Variants in MGRN1 observed in about 807,000 individuals in gnomAD.
MGRN1 encodes mahogunin ring finger 1, also known as E3 ubiquitin-protein ligase MGRN1.
A neutral mutation model predicts 69.2 loss-of-function variants in MGRN1; 29 were observed. The ratio of observed to expected loss-of-function variants is 0.42; its 90% CI spans 0.31 to 0.57. The LOEUF (loss-of-function observed/expected upper bound fraction) is 0.57, where lower values mean the gene tolerates loss of function less well. Among genes scored for constraint, MGRN1 ranks in the 20% least tolerant of loss-of-function variants. The pLI is 0.15. For synonymous variants in MGRN1, 470 were observed against 344.2 expected (o/e 1.37, Z -4.04); for missense variants, 998 against 796.2 (o/e 1.25, Z -3.05).
chr16:4,681,914 G>T (rs551816629), intron 13 of MGRN1, 138 bp downstream of exon 13: 64 of 877,444 alleles, frequency 7.3e-5, no homozygotes, highest in Non-Finnish European at 1.0e-4. Flanking sequence ...CCCCGTATCA[G>T]GTTAGACTCA....
intron 16 of MGRN1, among the ~76,000 whole-genome samples, chr16:4,685,536 C>G (rs201888858): frequency 6.6e-6 from 1 of 152,372 alleles, no homozygotes; most frequent in Non-Finnish European, 1.5e-5. Flanking sequence ...CCCTGGGCCC[C>G]GCTCTTGGAG....
intron 11 of MGRN1, 58 bp downstream of exon 11, chr16:4,677,630 A>G: frequency 1.3e-6 from 2 of 1,510,620 alleles, no homozygotes; most frequent in Non-Finnish European, 1.8e-6. Context: ...TGCCTGGGCC[A>G]GGCGCAAGGC....
chr16:4,687,511 T>TA (rs374907848), intron 16 of MGRN1: 9,720 of 895,946 alleles, frequency 0.011, 32 homozygotes, highest in Non-Finnish European at 0.012. Flanking sequence ...GCTGTCTCAA[T>TA]AAAAAAAAAT....
intron 13 of MGRN1, among the ~76,000 whole-genome samples, 164 bp from the exon 14 acceptor site, chr16:4,682,659 T>A (rs2079215335): frequency 6.6e-6 from 1 of 152,160 alleles, no homozygotes; most frequent in Non-Finnish European, 1.5e-5. Flanking sequence ...GTTGGCCGTT[T>A]GGGTTGGTCC....
chr16:4,628,627 G>A (rs770737763), intron 1 of MGRN1, among the ~76,000 whole-genome samples: 4 of 151,994 alleles, frequency 2.6e-5, no homozygotes, highest in Non-Finnish European at 5.9e-5. Flanking sequence ...TCAGTGCAAC[G>A]TCCGCCTCCT....
At chr16:4,657,964 G>C (rs954346465) in intron 5 of MGRN1, among the ~76,000 whole-genome samples, 1 of 151,122 alleles carries the variant, frequency 6.6e-6, no homozygotes, top group African/African-American at 2.4e-5. Flanking sequence ...GGATGGTCTT[G>C]ATCTCCTGAC....
At position 4,652,780 on chromosome 16, in the gene MGRN1, C is replaced by G. The variant is rs770039980; in HGVS notation, c.399C>G (p.Thr133=). ...ACGCCGATGCCCGCGTGGCCATCAC[C>G]ATCTACTGCCAGGCATCGGAGGAGT... ...TFDADARVAI[T]IYCQASEEFL... Residue 133 remains threonine (T), a synonymous_variant, in exon 4 of 17, where the codon ACC becomes ACG. Coordinates refer to ENST00000262370, the MANE Select transcript of MGRN1 (RefSeq NM_015246.4). The G allele has an allele frequency of 6.2e-7, 1 of 1,611,534 alleles. No homozygotes were observed. The highest frequency in any genetic ancestry group is 1.3e-5 in the African/African-American group (1 of 75,000).
At chr16:4,626,332 T>A (rs962196494) in intron 1 of MGRN1, among the ~76,000 whole-genome samples, 1 of 152,178 alleles carries the variant, frequency 6.6e-6, no homozygotes, top group African/African-American at 2.4e-5. Context: ...ACCCTGGGGT[T>A]TCCCTAGAGG....
At chr16:4,639,319 G>T (rs951881092) in intron 1 of MGRN1, among the ~76,000 whole-genome samples, 1 of 152,162 alleles carries the variant, frequency 6.6e-6, no homozygotes, top group African/African-American at 2.4e-5. Flanking sequence ...TGGCCTGCGT[G>T]GTGGTCCAGG....
intron 5 of MGRN1, among the ~76,000 whole-genome samples, chr16:4,662,847 C>G (rs1400111162): frequency 6.6e-6 from 1 of 152,168 alleles, no homozygotes; most frequent in Non-Finnish European, 1.5e-5. Context: ...GGGTGCTTGG[C>G]TGCGGGCTCA....
chr16:4,664,802 G>A (rs1263798634), intron 6 of MGRN1, 27 bp downstream of exon 6: 1 of 1,613,090 alleles, frequency 6.2e-7, no homozygotes, highest in African/African-American at 1.3e-5. Flanking sequence ...CCGTCCTCCT[G>A]GGCGTGCAGG....
At position 4,652,756 on chromosome 16, in the gene MGRN1, C is replaced by T. The variant is rs2078437069; in HGVS notation, c.375C>T (p.Asp125=). The change falls in exon 4 of 17, where the codon GAC becomes GAT. Residue 125 remains aspartate, a synonymous_variant. Coordinates refer to ENST00000262370, the MANE Select transcript of MGRN1 (RefSeq NM_015246.4). The part of the protein sequence containing the change: ...RVLYSLEFTF[D]ADARVAITIY... ...TCTACAGCCTGGAGTTCACCTTCGA[C>T]GCCGATGCCCGCGTGGCCATCACCA... 5.0e-6 allele frequency: 8 copies of T among 1,612,464 alleles called. No homozygotes were observed. The highest frequency in any genetic ancestry group is 2.2e-5 in the South Asian group (2 of 90,762).
rs968458054 is a variant in MGRN1, at chr16:4,659,044, G to A, written c.561+1681G>A. On this transcript the variant is annotated intron_variant, in intron 5 of 16. Transcript: ENST00000262370. ...GGGGGACCACCAGGTTGTCTAAGGAGGGGTGAAAACCGAACAGATCAAAAC... is the reference window on the plus strand; with the variant it reads ...GGGGGACCACCAGGTTGTCTAAGGAAGGGTGAAAACCGAACAGATCAAAAC... 14 of 152,066 alleles carry A rather than the reference G, an allele frequency of 9.2e-5. 1 individual carries two copies. Among genetic ancestry groups the A allele is most frequent in the African/African-American group, 3.4e-4 (14 of 41,362 alleles). 9.4% of individuals were successfully genotyped at this position (152,066 alleles called of 1,614,324 possible). A position where few individuals can be genotyped will look rare whatever the true frequency, so the allele number is the denominator to read the frequency against.
chr16:4,657,342 C>T lies in MGRN1; in HGVS notation c.540C>T (p.Phe180=), dbSNP rs547655913. ...CCCTGCCCTCCTTCAAGATTGACTTCTCGGAATGGAAGGATGACGAGGTAA... is the reference window on the plus strand; with the variant it reads ...CCCTGCCCTCCTTCAAGATTGACTTTTCGGAATGGAAGGATGACGAGGTAA... ...QFSLPSFKID[F]SEWKDDELNF... is the part of the protein sequence containing the mutation. The change falls in exon 5 of 17, where the codon TTC becomes TTT. Residue 180 remains phenylalanine, a synonymous_variant. Transcript: ENST00000262370. The T allele has an allele frequency of 6.2e-6, 10 of 1,614,108 alleles. No individual in the cohort carries two copies. In the South Asian group the frequency reaches 9.9e-5, roughly 16 times the overall value.
chr16:4,642,285 T>G (rs901032125), intron 1 of MGRN1, among the ~76,000 whole-genome samples: 5 of 151,686 alleles, frequency 3.3e-5, no homozygotes, highest in African/African-American at 1.2e-4. Flanking sequence ...CATGAGCTAA[T>G]TTTTGTATTT....
chr16:4,640,305 C>T (rs1174016381), intron 1 of MGRN1: 3 of 152,500 alleles, frequency 2.0e-5, no homozygotes, highest in Non-Finnish European at 4.4e-5. Flanking sequence ...TGGTTTTTCT[C>T]AGCTGTAGAG....
intron 1 of MGRN1, among the ~76,000 whole-genome samples, chr16:4,626,580 ACTAG>A (rs1372885061): frequency 6.6e-6 from 1 of 152,230 alleles, no homozygotes; most frequent in Non-Finnish European, 1.5e-5. Context: ...AAGATAAGTG[ACTAG>A]CTAATGACCA....
At chr16:4,672,418 C>T (rs760577967) in intron 9 of MGRN1, 11 of 456,628 alleles carry the variant, frequency 2.4e-5, no homozygotes, top group Non-Finnish European at 3.5e-5. Flanking sequence ...GAAAGTCTCA[C>T]AGGCCCGCTT....
At chr16:4,629,856 G>A (rs1897905765) in intron 1 of MGRN1, among the ~76,000 whole-genome samples, 2 of 151,896 alleles carry the variant, frequency 1.3e-5, no homozygotes, top group Non-Finnish European at 2.9e-5. Flanking sequence ...GACCAGCCTG[G>A]CCAACAAGGT....
Sources: allele counts gnomAD v4.1 joint callset (sites outside exome capture counted in the v4.1 genomes callset), GRCh38; gene constraint gnomAD v4.1.1; transcripts MANE v1.5; gene names NCBI Gene and HGNC (gene_info 2026-07-23, HGNC 2026-07-21).